RNLS: variants seen among roughly 807,000 people sequenced by gnomAD.
The protein encoded by RNLS is renalase.
Under a neutral mutation model 39.8 loss-of-function variants are expected in RNLS, and 39 were observed. The ratio of observed to expected loss-of-function variants is 0.98; its 90% CI spans 0.76 to 1.28. The LOEUF (loss-of-function observed/expected upper bound fraction) is 1.28. Ranked by LOEUF, RNLS falls within the 50% of genes most tolerant of loss-of-function variation. The pLI, the probability that RNLS is intolerant of heterozygous loss-of-function variation, is 0.00. For synonymous variants in RNLS, 147 were observed against 150.7 expected (o/e 0.98, Z 0.18); for missense variants, 410 against 413.3 (o/e 0.99, Z 0.07).
chr10:88,411,731 C>T (rs557086401), intron 4 of RNLS, among the ~76,000 whole-genome samples: 1 of 152,222 alleles, frequency 6.6e-6, no homozygotes, highest in South Asian at 2.1e-4. Context: ...ATAATGTATG[C>T]ATTAGATAAT....
chr10:88,283,514 G>A (rs1007948857), downstream of RNLS, among the ~76,000 whole-genome samples: 8 of 151,978 alleles, frequency 5.3e-5, no homozygotes, highest in Non-Finnish European at 8.8e-5. Context: ...AATTATATTT[G>A]TTAAAAACAA....
In RNLS at chr10:88,572,762, C is replaced by T. The variant is rs532704267; in HGVS notation, c.526+141G>A. The T allele has an allele frequency of 5.0e-4, 403 of 808,626 alleles. 3 individuals are homozygous for T. The Middle Eastern group carries it at 6.5e-3, about 13-fold the overall frequency. 50.1% of individuals were successfully genotyped at this position (808,626 alleles called of 1,614,324 possible). On this transcript the variant is annotated intron_variant, in intron 4 of 6. Coordinates refer to ENST00000331772, the MANE Select transcript of RNLS (RefSeq NM_001031709.3). ...TTGGCCTAGATTAATATCATGACGA[C>T]GGCCGTAAGTATCAGTTTTTAAGAC...
At chr10:88,256,204 T>C in the RNLS span, among the ~76,000 whole-genome samples, 1 of 152,348 alleles carries the variant, frequency 6.6e-6, no homozygotes, top group South Asian at 2.1e-4. Flanking sequence ...GGTCACTCTT[T>C]CCCTTTACAT....
intron 4 of RNLS, among the ~76,000 whole-genome samples, chr10:88,386,140 G>A (rs1040397368): frequency 2.0e-5 from 3 of 152,154 alleles, no homozygotes; most frequent in Admixed American, 1.3e-4. Flanking sequence ...ATATGCAGTC[G>A]TGCTTAGGGC....
intron 4 of RNLS, among the ~76,000 whole-genome samples, chr10:88,455,375 T>C (rs569546148): frequency 5.9e-5 from 9 of 152,350 alleles, no homozygotes; most frequent in African/African-American, 2.2e-4. Flanking sequence ...ATTCTTCCTG[T>C]AATTACCTCT....
At chr10:88,316,461 C>G (rs1254047289) in intron 5 of RNLS, among the ~76,000 whole-genome samples, 1 of 152,200 alleles carries the variant, frequency 6.6e-6, no homozygotes, top group East Asian at 1.9e-4. Flanking sequence ...TGCCACCCCT[C>G]TTCCATACAG....
chr10:88,575,157 TATAC>T (rs1349828715), intron 3 of RNLS, among the ~76,000 whole-genome samples: 19 of 36,654 alleles, frequency 5.2e-4, no homozygotes, highest in African/African-American at 1.6e-3. Context: ...TATATATATA[TATAC>T]ACACACACAC....
chr10:88,195,679 C>T, the RNLS span, among the ~76,000 whole-genome samples: 1 of 152,174 alleles, frequency 6.6e-6, no homozygotes, highest in South Asian at 2.1e-4. Context: ...TTCCTTGCCT[C>T]TTGGGAACTG....
At chr10:88,191,738 G>A in the RNLS span, among the ~76,000 whole-genome samples, 1 of 152,204 alleles carries the variant, frequency 6.6e-6, no homozygotes, top group Non-Finnish European at 1.5e-5. Flanking sequence ...TAGCAGCAAT[G>A]TAGTTATGTG....
intron 4 of RNLS, among the ~76,000 whole-genome samples, chr10:88,482,514 TATA>T (rs1844246870): frequency 6.6e-6 from 1 of 152,174 alleles, no homozygotes; most frequent in Non-Finnish European, 1.5e-5. Context: ...TTTTATAACT[TATA>T]TCCCCTCATT....
chr10:88,291,122 T>C (rs1262746781), intron 6 of RNLS, among the ~76,000 whole-genome samples: 1 of 152,142 alleles, frequency 6.6e-6, no homozygotes, highest in African/African-American at 2.4e-5. Flanking sequence ...ATATGGCAAG[T>C]ACTAAGTAAG....
intron 4 of RNLS, among the ~76,000 whole-genome samples, chr10:88,395,408 T>C (rs1219118647): frequency 6.6e-6 from 1 of 151,422 alleles, no homozygotes; most frequent in East Asian, 1.9e-4. Context: ...TAGATAGAAA[T>C]ATAAAATAGA....
At chr10:88,301,879 G>T (rs1844552933) in intron 6 of RNLS, among the ~76,000 whole-genome samples, 3 of 152,148 alleles carry the variant, frequency 2.0e-5, no homozygotes, top group Non-Finnish European at 4.4e-5. Context: ...GAAAAAGTGG[G>T]ACATGTGGGC....
intron 4 of RNLS, among the ~76,000 whole-genome samples, chr10:88,538,454 A>G (rs1389095652): frequency 6.6e-6 from 1 of 152,152 alleles, no homozygotes. Flanking sequence ...TCTGATCACC[A>G]TTTATCTCCC....
At chr10:88,559,871 C>T (rs983061517) in intron 4 of RNLS, among the ~76,000 whole-genome samples, 6 of 151,364 alleles carry the variant, frequency 4.0e-5, no homozygotes, top group South Asian at 2.1e-4. Flanking sequence ...TACAAGTCAC[C>T]GAAAACTACG....
In RNLS at chr10:88,524,235, T is replaced by C. The variant is rs553023574; in HGVS notation, c.526+48668A>G. Among the ~76,000 whole-genome samples the C allele has an allele frequency of 2.6e-5, 4 of 152,208 alleles. No homozygotes were observed. In the East Asian group the frequency reaches 7.7e-4, roughly 29 times the overall value. ...TGTCTATCCTGTTCTGTAACAGCAATAGAACCACTGGCGCCTTCCAACCTC... is the reference window on the plus strand; with the variant it reads ...TGTCTATCCTGTTCTGTAACAGCAACAGAACCACTGGCGCCTTCCAACCTC... On this transcript the variant is annotated intron_variant, in intron 4 of 6. Coordinates refer to ENST00000331772, the MANE Select transcript of RNLS (RefSeq NM_001031709.3).
chr10:88,267,618 G>T, the RNLS span, among the ~76,000 whole-genome samples: 1 of 152,152 alleles, frequency 6.6e-6, no homozygotes, highest in East Asian at 1.9e-4. Context: ...TCAAGGAGTG[G>T]TTGGACTCCT....
At chr10:88,248,574 G>A in the RNLS span, among the ~76,000 whole-genome samples, 1 of 152,168 alleles carries the variant, frequency 6.6e-6, no homozygotes, top group African/African-American at 2.4e-5. Flanking sequence ...CTGATGCTAT[G>A]GATAATTTTT....
chr10:88,455,476 G>A (rs889978007), intron 4 of RNLS, among the ~76,000 whole-genome samples: 2 of 151,874 alleles, frequency 1.3e-5, no homozygotes, highest in East Asian at 3.9e-4. Flanking sequence ...GTGCGATTTC[G>A]GCTCACTGCA....
Sources: allele counts gnomAD v4.1 joint callset (sites outside exome capture counted in the v4.1 genomes callset), GRCh38; gene constraint gnomAD v4.1.1; transcripts MANE v1.5; gene names NCBI Gene and HGNC (gene_info 2026-07-23, HGNC 2026-07-21).